The following C1QL4 variants were observed in gnomAD, a reference collection of about 807,000 sequenced individuals.
C1QL4 encodes the protein complement C1q like 4, also known as complement C1q-like protein 4.
A neutral mutation model predicts 13.4 loss-of-function variants in C1QL4; 5 were observed. The observed-to-expected ratio is 0.37, with a 90% CI of 0.19 to 0.78. C1QL4 has a LOEUF of 0.78. Ranked by LOEUF, C1QL4 falls within the 30% of genes least tolerant of loss-of-function variation. C1QL4 has a pLI of 0.47. For missense variants in C1QL4, 367 were observed against 361.6 expected, an observed-to-expected ratio of 1.01 and a Z score of -0.12; for synonymous variants, 168 against 153.9, an observed-to-expected ratio of 1.09 and a Z score of -0.68.
chr12:49,336,610 T>G lies in C1QL4; in HGVS notation c.-133A>C. 1.9e-6 allele frequency: 2 copies of G among 1,068,646 alleles called. No individual in the cohort carries two copies. Among genetic ancestry groups the G allele is most frequent in the South Asian group, 2.1e-5 (1 of 48,666 alleles). The allele number at this position is 1,068,646 out of a possible 1,614,324, so 66.2% of individuals were successfully genotyped here. A position where few individuals can be genotyped will look rare whatever the true frequency, so the allele number is the denominator to read the frequency against. On this transcript the variant is annotated 5_prime_UTR_variant, in exon 1 of 2. Coordinates refer to ENST00000334221, the MANE Select transcript of C1QL4 (RefSeq NM_001008223.2). The surrounding 1 kb of genome is among the most constrained non-coding windows in gnomAD (Gnocchi z 7.7). ...GGGCTCTCCGCGGGCCAGGAGGCGG[T>G]GACCCGCCTTGGGCCTGGGTCTGCA...
intron 1 of C1QL4, among the ~76,000 whole-genome samples, chr12:49,335,354 G>C (rs1261790397): frequency 6.6e-6 from 1 of 152,268 alleles, no homozygotes; most frequent in Non-Finnish European, 1.5e-5. Context: ...CAGCCCTGGG[G>C]TGAGCAACAG....
rs1008610150 is a variant in C1QL4 at position 49,332,882 on chromosome 12, C to T, written c.*172G>A. On this transcript the variant is annotated 3_prime_UTR_variant, in exon 2 of 2. Transcript: ENST00000334221. ...GGCCGGGTCTCCTCCTCTTCCCGGC[C>T]ACTTATACCCTTGAGCACCAAGAGT... 7 of 688,348 alleles carry T rather than the reference C, an allele frequency of 1.0e-5. No homozygotes were observed. Among genetic ancestry groups the T allele is most frequent in the Non-Finnish European group, 1.7e-5 (7 of 420,592 alleles). 42.6% of individuals were successfully genotyped at this position (688,348 alleles called of 1,614,324 possible).
Position 49,336,114 on chromosome 12 carries a change from C to T in C1QL4, c.364G>A (p.Gly122Ser), listed in dbSNP as rs1207066842. 80 of 1,611,402 alleles carry T rather than the reference C, an allele frequency of 5.0e-5. No individual in the cohort carries two copies. Among genetic ancestry groups the T allele is most frequent in the Non-Finnish European group, 6.5e-5 (77 of 1,179,758 alleles). The change falls in exon 1 of 2, where the codon GGT becomes AGT. Residue 122 changes from glycine to serine, a missense_variant. Gly to Ser is a moderately conservative substitution (Grantham distance 56). Coordinates refer to ENST00000334221, the MANE Select transcript of C1QL4 (RefSeq NM_001008223.2). The surrounding 1 kb of genome is among the most constrained non-coding windows in gnomAD (Gnocchi z 7.7). ...TCGTCGAAGCGCAGCACCTCGTAAC[C>T]CTCGTGGGGCCGCCGCAGGCCCGCG... ...FYAGLRRPHE[G>S]YEVLRFDDVV...
At chr12:49,335,816 T>C (rs1943626078) in intron 1 of C1QL4, 125 bp downstream of exon 1, 1 of 1,232,264 alleles carries the variant, frequency 8.1e-7, no homozygotes, top group Admixed American at 2.3e-5. Context: ...TCTATCGTTC[T>C]TGGCAGCCTC....
Position 49,336,256 on chromosome 12 carries a change from T to G in C1QL4, c.222A>C (p.Pro74=), listed in dbSNP as rs1395526157. 4.4e-5 allele frequency: 64 copies of G among 1,442,350 alleles called. No homozygotes were observed. Among genetic ancestry groups the G allele is most frequent in the Non-Finnish European group, 5.6e-5 (62 of 1,103,368 alleles). 89.3% of individuals were successfully genotyped at this position (1,442,350 alleles called of 1,614,324 possible). The change falls in exon 1 of 2, where the codon CCA becomes CCC. Residue 74 remains proline (P), a synonymous_variant. Transcript: ENST00000334221. This position sits in a 1 kb window ranked among gnomAD's most constrained non-coding sequence, Gnocchi z 7.7. ...CTCCTGGGGGCCCTCTTGGACCTGGTGGTCCAGGGGGCCCCCGCAGGCCTG... is the reference window on the plus strand; with the variant it reads ...CTCCTGGGGGCCCTCTTGGACCTGGGGGTCCAGGGGGCCCCCGCAGGCCTG... ...GKAGLRGPPG[P]PGPRGPPGEP...
Position 49,332,885 on chromosome 12 carries a change from T to TTA in C1QL4, c.*167_*168dup, listed in dbSNP as rs1183078334. On this transcript the variant is annotated 3_prime_UTR_variant, in exon 2 of 2. Coordinates refer to ENST00000334221, the MANE Select transcript of C1QL4 (RefSeq NM_001008223.2). ...CGGGTCTCCTCCTCTTCCCGGCCAC[T>TTA]TATACCCTTGAGCACCAAGAGTTCG... 5 of 708,016 alleles carry TTA rather than the reference T, an allele frequency of 7.1e-6. No individual in the cohort carries two copies. In the African/African-American group the frequency reaches 9.0e-5, roughly 13 times the overall value. 43.9% of individuals were successfully genotyped at this position (708,016 alleles called of 1,614,324 possible).
chr12:49,333,336 G>A, intron 1 of C1QL4, 103 bp from the exon 2 acceptor site: 1 of 1,213,986 alleles, frequency 8.2e-7, no homozygotes, highest in South Asian at 1.5e-5. Context: ...CCGCCGCAGG[G>A]GCTGGGGAGG....
Position 49,333,072 on chromosome 12 carries a change from G to A in C1QL4, c.699C>T (p.Phe233=), listed in dbSNP as rs1428533309. The A allele has an allele frequency of 1.9e-6, 3 of 1,613,670 alleles. No individual in the cohort carries two copies. The highest frequency in any genetic ancestry group is 2.5e-6 in the Non-Finnish European group (3 of 1,179,796). The change falls in exon 2 of 2, where the codon TTC becomes TTT. Residue 233 remains phenylalanine (F), a synonymous_variant. Coordinates refer to ENST00000334221, the MANE Select transcript of C1QL4 (RefSeq NM_001008223.2). The part of the protein sequence containing the change: ...NTNKYSTFSG[F]IIYPD ...GGCCGGCTCAGTCGGGGTAGATGATGAAGCCGGAGAAGGTGCTGTACTTGT... is the reference window on the plus strand; with the variant it reads ...GGCCGGCTCAGTCGGGGTAGATGATAAAGCCGGAGAAGGTGCTGTACTTGT...
At chr12:49,334,225 A>G (rs1172352126) in intron 1 of C1QL4, among the ~76,000 whole-genome samples, 2 of 152,220 alleles carry the variant, frequency 1.3e-5, no homozygotes, top group African/African-American at 4.8e-5. Flanking sequence ...AATTTTGCCT[A>G]TAGGATAATT....
At chr12:49,333,691 C>A (rs965906165) in intron 1 of C1QL4, among the ~76,000 whole-genome samples, 2 of 151,402 alleles carry the variant, frequency 1.3e-5, no homozygotes, top group African/African-American at 4.9e-5. Context: ...CGCCTACTAC[C>A]ACGCCCAGCT....
At position 49,336,507 on chromosome 12, in the gene C1QL4, T is replaced by C; in HGVS notation, c.-30A>G. 6.8e-7 allele frequency: 1 copy of C among 1,470,486 alleles called. No homozygotes were observed. Among genetic ancestry groups the C allele is most frequent in the Non-Finnish European group, 8.9e-7 (1 of 1,127,412 alleles). 91.1% of individuals were successfully genotyped at this position (1,470,486 alleles called of 1,614,324 possible). On this transcript the variant is annotated 5_prime_UTR_variant, in exon 1 of 2. Coordinates refer to ENST00000334221, the MANE Select transcript of C1QL4 (RefSeq NM_001008223.2). The surrounding 1 kb of genome is among the most constrained non-coding windows in gnomAD (Gnocchi z 7.7). ...ACTCCGACGGCCGCGCCCGCCACCCTCTTGCGGCGGCTCAGCCGCGACGCT... is the reference window on the plus strand; with the variant it reads ...ACTCCGACGGCCGCGCCCGCCACCCCCTTGCGGCGGCTCAGCCGCGACGCT...
rs369918887 is a variant in C1QL4, at chr12:49,336,424, C to T, written c.54G>A (p.Gly18=). 394 of 1,548,348 alleles carry T rather than the reference C, an allele frequency of 2.5e-4. 2 individuals are homozygous for T. The African/African-American group carries it at 4.8e-3, about 19-fold the overall frequency. Residue 18 remains glycine (G), a synonymous_variant, in exon 1 of 2, where the codon GGG becomes GGA. Coordinates refer to ENST00000334221, the MANE Select transcript of C1QL4 (RefSeq NM_001008223.2). This position sits in a 1 kb window ranked among gnomAD's most constrained non-coding sequence, Gnocchi z 7.7. ...GACCCAGCATCTCGTAGTGCGCTGG[C>T]CCGCGGGAGCTGTGCACCAGCAGCG... The part of the protein sequence containing the change: ...AIPLLVHSSR[G]PAHYEMLGRC...
chr12:49,333,703 A>AT (rs1438587254), intron 1 of C1QL4, among the ~76,000 whole-genome samples: 4 of 150,630 alleles, frequency 2.7e-5, no homozygotes, highest in South Asian at 2.1e-4. Context: ...CGCCCAGCTA[A>AT]TTTTTTCTAT....
intron 1 of C1QL4, among the ~76,000 whole-genome samples, chr12:49,334,019 C>T (rs1943612322): frequency 6.6e-6 from 1 of 151,102 alleles, no homozygotes; most frequent in Non-Finnish European, 1.5e-5. Flanking sequence ...CATGGAGAAA[C>T]CCCGTCTCTA....
chr12:49,335,604 C>A (rs980035250), intron 1 of C1QL4, among the ~76,000 whole-genome samples: 1 of 152,108 alleles, frequency 6.6e-6, no homozygotes, highest in East Asian at 1.9e-4. Flanking sequence ...CAAGACAGGA[C>A]GAGAAAAGAA....
rs572647499 is a variant in C1QL4 at position 49,336,133 on chromosome 12, G to A, written c.345C>T (p.Gly115=). Residue 115 remains glycine (G), a synonymous_variant, in exon 1 of 2, where the codon GGC becomes GGT. Coordinates refer to ENST00000334221, the MANE Select transcript of C1QL4 (RefSeq NM_001008223.2). The surrounding 1 kb of genome is among the most constrained non-coding windows in gnomAD (Gnocchi z 7.7). ...CGTAACCCTCGTGGGGCCGCCGCAG[G>A]CCCGCGTAGAAAGCAATGCGAGGCA... ...GYVPRIAFYA[G]LRRPHEGYEV... is the part of the protein sequence containing the mutation. 1 of 1,610,906 alleles carries A rather than the reference G, an allele frequency of 6.2e-7. No individual in the cohort carries two copies. The highest frequency in any genetic ancestry group is 2.2e-5 in the East Asian group (1 of 44,830).
intron 1 of C1QL4, among the ~76,000 whole-genome samples, chr12:49,335,470 C>CTTCCTATT (rs1328814242): frequency 6.6e-6 from 1 of 152,246 alleles, no homozygotes; most frequent in African/African-American, 2.4e-5. Flanking sequence ...CAGCTGCTGA[C>CTTCCTATT]TTCCTATTGC....
At chr12:49,334,906 T>TA (rs1488950856) in intron 1 of C1QL4, among the ~76,000 whole-genome samples, 2 of 152,112 alleles carry the variant, frequency 1.3e-5, no homozygotes. Context: ...GCTGCCGCGG[T>TA]ACCAGGCTCC....
rs960781672 is a variant in C1QL4 at position 49,335,959 on chromosome 12, G to A, written c.519C>T (p.Asp173=). Residue 173 remains aspartate, a synonymous_variant, in exon 1 of 2, where the codon GAC becomes GAT. Coordinates refer to ENST00000334221, the MANE Select transcript of C1QL4 (RefSeq NM_001008223.2). The part of the protein sequence containing the change: ...RGGDGTSMWA[D]LMKNGQVRAS... ...ATCTCACCTGTCCGTTCTTCATGAGGTCGGCCCACATGCTGGTGCCGTCGC... is the reference window on the plus strand; with the variant it reads ...ATCTCACCTGTCCGTTCTTCATGAGATCGGCCCACATGCTGGTGCCGTCGC... 5 of 1,605,420 alleles carry A rather than the reference G, an allele frequency of 3.1e-6. No homozygotes were observed. The East Asian group carries it at 1.1e-4, about 36-fold the overall frequency.
Sources: allele counts gnomAD v4.1 joint callset (sites outside exome capture counted in the v4.1 genomes callset), GRCh38; gene constraint gnomAD v4.1.1; non-coding constraint Gnocchi (gnomAD v3.1); transcripts MANE v1.5; gene names NCBI Gene and HGNC (gene_info 2026-07-23, HGNC 2026-07-21).